NSMCE2: variants seen among roughly 807,000 people sequenced by gnomAD.
NSMCE2 encodes E3 SUMO-protein ligase NSE2.
Under a neutral mutation model 23.8 loss-of-function variants are expected in NSMCE2, and 24 were observed. The ratio of observed to expected loss-of-function variants is 1.01; its 90% confidence interval spans 0.73 to 1.42. NSMCE2 has a LOEUF of 1.42. Among genes scored for constraint, NSMCE2 ranks in the 40% most tolerant of loss-of-function variants. The pLI, the probability that NSMCE2 is intolerant of heterozygous loss-of-function variation, is 0.00. For missense variants in NSMCE2, 284 were observed against 296.5 expected (o/e 0.96, Z 0.31); for synonymous variants, 92 against 94.1 (o/e 0.98, Z 0.13).
intron 5 of NSMCE2, among the ~76,000 whole-genome samples, chr8:125,220,884 G>C (rs1271798853): frequency 6.6e-6 from 1 of 152,184 alleles, no homozygotes; most frequent in African/African-American, 2.4e-5. Flanking sequence ...AGTCTTGTGT[G>C]TAATATATAG....
intron 5 of NSMCE2, among the ~76,000 whole-genome samples, chr8:125,236,817 CTT>C (rs926985848): frequency 6.9e-6 from 1 of 145,366 alleles, no homozygotes; most frequent in African/African-American, 2.5e-5. Context: ...TTCTTTCTTT[CTT>C]TTTTTTTTTT....
rs375838969 is a variant in NSMCE2 at position 125,220,791 on chromosome 8, A to G, written c.418+38535A>G. On this transcript the variant is annotated intron_variant, in intron 5 of 7. Transcript: ENST00000287437. ...GCTGGCTTAGAATTTTCTTCCTAGT[A>G]AGATCTGAGATCGATATAAATTTTC... 9.2e-5 allele frequency among the ~76,000 whole-genome samples: 14 copies of G among 152,184 alleles called. No homozygotes were observed. The East Asian group carries it at 2.5e-3, about 27-fold the overall frequency.
At chr8:125,150,426 C>CTTTTTTTTTTT (rs71295819) in intron 3 of NSMCE2, among the ~76,000 whole-genome samples, 32 of 61,874 alleles carry the variant, frequency 5.2e-4, no homozygotes, top group South Asian at 6.4e-4. Flanking sequence ...TTCTTTCTTT[C>CTTTTTTTTTTT]TTTTTTTTTT....
At chr8:125,177,183 T>C (rs999300455) in intron 4 of NSMCE2, among the ~76,000 whole-genome samples, 4 of 152,240 alleles carry the variant, frequency 2.6e-5, no homozygotes, top group Non-Finnish European at 1.5e-5. Flanking sequence ...TCATTTACTA[T>C]GGGCCAGAGT....
At chr8:125,127,820 G>A (rs765598370) in intron 3 of NSMCE2, among the ~76,000 whole-genome samples, 9 of 152,182 alleles carry the variant, frequency 5.9e-5, no homozygotes, top group Middle Eastern at 3.4e-3. Context: ...AGATACCTTG[G>A]GGATGGGATC....
chr8:125,366,920 T>C lies in NSMCE2; in HGVS notation c.*35T>C, dbSNP rs753885816. ...CCTGCCTGCAGGGACACCAGCAGCC[T>C]ACCTCCTACCCCAGCTGTCTGTTGA... On this transcript the variant is annotated 3_prime_UTR_variant, in exon 8 of 8. Coordinates refer to ENST00000287437, the MANE Select transcript of NSMCE2 (RefSeq NM_173685.4). The C allele has an allele frequency of 8.6e-7, 1 of 1,161,044 alleles. No homozygotes were observed. The highest frequency in any genetic ancestry group is 1.2e-5 in the South Asian group (1 of 81,752). 71.9% of individuals were successfully genotyped at this position (1,161,044 alleles called of 1,614,324 possible).
chr8:125,112,670 G>A (rs1208587810), intron 3 of NSMCE2, among the ~76,000 whole-genome samples: 10 of 152,158 alleles, frequency 6.6e-5, no homozygotes, highest in African/African-American at 1.7e-4. Flanking sequence ...GATCTCACTC[G>A]TATGTGGAAT....
intron 5 of NSMCE2, among the ~76,000 whole-genome samples, chr8:125,297,457 T>G (rs1409712454): frequency 6.6e-6 from 1 of 152,208 alleles, no homozygotes; most frequent in Non-Finnish European, 1.5e-5. Flanking sequence ...ATGGTTTCCT[T>G]TGTTCAGCCA....
At position 125,324,707 on chromosome 8, in the gene NSMCE2, T is replaced by G. The variant is rs1436672275; in HGVS notation, c.419-32512T>G. ...CTCCTGCCTCAGCCTCCCGAGTAGC[T>G]GGGACTACAGGCGCCCGCCACTACG... On this transcript the variant is annotated intron_variant, in intron 5 of 7. Coordinates refer to ENST00000287437, the MANE Select transcript of NSMCE2 (RefSeq NM_173685.4). Among the ~76,000 whole-genome samples, 67 of 102,178 alleles carry G rather than the reference T, an allele frequency of 6.6e-4. 28 individuals are homozygous for G. The highest frequency in any genetic ancestry group is 9.5e-4 in the Admixed American group (8 of 8,378). 67.0% of individuals were successfully genotyped at this position (102,178 alleles called of 152,430 possible).
At chr8:125,363,855 A>T (rs1305327686) in intron 7 of NSMCE2, among the ~76,000 whole-genome samples, 1 of 152,192 alleles carries the variant, frequency 6.6e-6, no homozygotes, top group African/African-American at 2.4e-5. Flanking sequence ...CCTGGGCCAA[A>T]TCACCCTGAT....
At chr8:125,272,975 G>A (rs550126328) in intron 5 of NSMCE2, among the ~76,000 whole-genome samples, 36 of 152,256 alleles carry the variant, frequency 2.4e-4, no homozygotes, top group African/African-American at 7.0e-4. Context: ...AGGGAGCTGG[G>A]TGACACGGGG....
At chr8:125,123,153 A>G (rs1162413761) in intron 3 of NSMCE2, among the ~76,000 whole-genome samples, 2 of 152,154 alleles carry the variant, frequency 1.3e-5, no homozygotes, top group African/African-American at 2.4e-5. Flanking sequence ...CAACTCATTA[A>G]ATGACTGGTA....
intron 4 of NSMCE2, among the ~76,000 whole-genome samples, chr8:125,157,518 G>T (rs560084463): frequency 2.6e-5 from 4 of 152,092 alleles, no homozygotes; most frequent in Non-Finnish European, 5.9e-5. Context: ...CTTCTATTTC[G>T]GTGGTTTAGA....
At chr8:125,221,567 A>T (rs943558474) in intron 5 of NSMCE2, among the ~76,000 whole-genome samples, 1 of 152,226 alleles carries the variant, frequency 6.6e-6, no homozygotes, top group Non-Finnish European at 1.5e-5. Context: ...CCATAGACAT[A>T]TTATAGGTTG....
intron 5 of NSMCE2, among the ~76,000 whole-genome samples, chr8:125,203,226 A>C (rs1325654417): frequency 6.6e-6 from 1 of 151,164 alleles, no homozygotes; most frequent in Non-Finnish European, 1.5e-5. Flanking sequence ...AACTTATCGT[A>C]AATGTTGTGT....
At chr8:125,143,258 T>A (rs1322123653) in intron 3 of NSMCE2, among the ~76,000 whole-genome samples, 1 of 152,176 alleles carries the variant, frequency 6.6e-6, no homozygotes, top group Non-Finnish European at 1.5e-5. Context: ...GTGATTTGTT[T>A]TATTTTATCC....
intron 1 of NSMCE2, among the ~76,000 whole-genome samples, chr8:125,096,408 A>G (rs1421064304): frequency 6.6e-6 from 1 of 152,160 alleles, no homozygotes; most frequent in East Asian, 1.9e-4. Flanking sequence ...GAAGTTTGCT[A>G]TTGCATTTAC....
chr8:125,144,416 G>C, intron 3 of NSMCE2, among the ~76,000 whole-genome samples: 1 of 152,198 alleles, frequency 6.6e-6, no homozygotes, highest in East Asian at 1.9e-4. Flanking sequence ...CCTATCTGCT[G>C]TTGCTTTTTA....
At chr8:125,313,854 T>A (rs1389870703) in intron 5 of NSMCE2, among the ~76,000 whole-genome samples, 2 of 152,154 alleles carry the variant, frequency 1.3e-5, no homozygotes, top group Non-Finnish European at 2.9e-5. Flanking sequence ...CCCAAAATGA[T>A]AGATCTGAGA....
Sources: gnomAD v4.1 joint callset for allele counts (sites outside exome capture counted in the v4.1 genomes callset) on GRCh38, gnomAD v4.1.1 for gene constraint, MANE v1.5 for transcripts, NCBI Gene and HGNC (gene_info 2026-07-23, HGNC 2026-07-21) for gene names.